The following IRS1 variants were observed in gnomAD, a reference collection of about 807,000 sequenced individuals.
IRS1 encodes the protein insulin receptor substrate 1.
In IRS1, 34 loss-of-function variants were observed where a neutral mutation model predicts 65.6. That is an observed-to-expected ratio of 0.52 (90% confidence interval 0.39 to 0.69). The LOEUF (loss-of-function observed/expected upper bound fraction) is 0.69, where lower values mean the gene tolerates loss of function less well. Ranked by LOEUF, IRS1 falls within the 30% of genes least tolerant of loss-of-function variation. The probability of loss-of-function intolerance (pLI) is 0.00; values close to 1 mark genes in which losing one functional copy is unlikely to be tolerated. For synonymous variants in IRS1, 699 were observed against 683.5 expected (o/e 1.02, Z -0.35); for missense variants, 1,641 against 1,720.2 (o/e 0.95, Z 0.81).
Position 226,797,918 on chromosome 2 carries a change from G to A in IRS1, c.821C>T (p.Ser274Phe). 6.2e-7 allele frequency: 1 copy of A among 1,613,982 alleles called. No homozygotes were observed. The highest frequency in any genetic ancestry group is 1.1e-5 in the South Asian group (1 of 91,086). The change falls in exon 1 of 2, where the codon TCC (serine) becomes TTC (phenylalanine). Residue 274 changes from serine to phenylalanine, a missense_variant. Transcript: ENST00000305123. The surrounding 1 kb of genome is among the most constrained non-coding windows in gnomAD (Gnocchi z 8.1). ...GACGCTGATGGGGTTAGAGCAGTTG[G>A]ACGAGGACTGGCTCTTGCTGCGAGG... ...FRPRSKSQSS[S>F]NCSNPISVPL... is the part of the protein sequence containing the mutation.
At chr2:226,742,826 G>A (rs531253327) in intron 1 of IRS1, among the ~76,000 whole-genome samples, 1 of 152,214 alleles carries the variant, frequency 6.6e-6, no homozygotes, top group African/African-American at 2.4e-5. Context: ...AGCTACCAAA[G>A]GCAGAAGGAG....
In IRS1 at chr2:226,735,471, C is replaced by A. The variant is rs1938307481; in HGVS notation, c.*801G>T. The A allele has an allele frequency of 6.6e-6, 1 of 152,282 alleles. No individual in the cohort carries two copies. The highest frequency in any genetic ancestry group is 1.5e-5 in the Non-Finnish European group (1 of 68,010). The allele number at this position is 152,282 out of a possible 1,614,324, so 9.4% of individuals were successfully genotyped here. On this transcript the variant is annotated 3_prime_UTR_variant, in exon 2 of 2. Transcript: ENST00000305123. ...TCCTTCTTCAGTTTAATTAACATGG[C>A]CTATTGTCTTACAGGAAAAAATACA...
In IRS1 at chr2:226,796,163, G is replaced by A. The variant is rs756434990; in HGVS notation, c.2576C>T (p.Thr859Met). Residue 859 changes from threonine (T) to methionine (M), a missense_variant, in exon 1 of 2, where the codon ACG becomes ATG. Transcript: ENST00000305123. ...AQTNSRLARP[T>M]RLSLGDPKAS... is the part of the protein sequence containing the mutation. ...CTTGGGATCCCCCAGGGACAGCCTCGTGGGCCGGGCCAGGCGGCTATTGGT... is the reference window on the plus strand; with the variant it reads ...CTTGGGATCCCCCAGGGACAGCCTCATGGGCCGGGCCAGGCGGCTATTGGT... The A allele has an allele frequency of 9.3e-6, 15 of 1,613,576 alleles. No homozygotes were observed. In the Middle Eastern group the frequency reaches 4.9e-4, roughly 53 times the overall value.
intron 1 of IRS1, among the ~76,000 whole-genome samples, chr2:226,791,900 A>G (rs1404052034): frequency 6.6e-6 from 1 of 152,072 alleles, no homozygotes; most frequent in Non-Finnish European, 1.5e-5. Context: ...GTCTGGCTGC[A>G]GATTCCCCCA....
At chr2:226,761,666 G>A (rs983754716) in intron 1 of IRS1, among the ~76,000 whole-genome samples, 1 of 152,168 alleles carries the variant, frequency 6.6e-6, no homozygotes, top group African/African-American at 2.4e-5. Context: ...CTAAGTTGTA[G>A]ATGATTCAGA....
intron 1 of IRS1, among the ~76,000 whole-genome samples, chr2:226,741,740 C>A (rs1410137217): frequency 6.7e-6 from 1 of 148,854 alleles, no homozygotes; most frequent in Non-Finnish European, 1.5e-5. Context: ...AAGCACCTTA[C>A]AACACACACA....
chr2:226,741,580 A>G (rs1227002844), intron 1 of IRS1, among the ~76,000 whole-genome samples: 4 of 152,030 alleles, frequency 2.6e-5, no homozygotes, highest in Non-Finnish European at 5.9e-5. Context: ...CTGTCTTCCC[A>G]CGTCTGTTGA....
rs1486646288 is a variant in IRS1, at chr2:226,798,414, C to A, written c.325G>T (p.Ala109Ser). ...GCACGGTTGTGCAGCTGTAGGAGAG[C>A]CTGGTACCAGCTGTCTTGCTCGGCC... ...SEAEQDSWYQ[A>S]LLQLHNRAKG... Residue 109 changes from alanine (A) to serine (S), a missense_variant, in exon 1 of 2, where the codon GCT becomes TCT. Ala to Ser is a moderately conservative substitution (Grantham distance 99). Transcript: ENST00000305123. The surrounding 1 kb of genome is among the most constrained non-coding windows in gnomAD (Gnocchi z 9.4). The A allele has an allele frequency of 6.2e-7, 1 of 1,614,058 alleles. No individual in the cohort carries two copies. Among genetic ancestry groups the A allele is most frequent in the East Asian group, 2.2e-5 (1 of 44,876 alleles).
At chr2:226,788,766 T>A (rs1000827230) in intron 1 of IRS1, among the ~76,000 whole-genome samples, 4 of 152,220 alleles carry the variant, frequency 2.6e-5, no homozygotes, top group Admixed American at 6.5e-5. Flanking sequence ...AATTATTATA[T>A]CATACTAACG....
At chr2:226,787,813 T>C (rs1266313530) in intron 1 of IRS1, among the ~76,000 whole-genome samples, 1 of 152,178 alleles carries the variant, frequency 6.6e-6, no homozygotes, top group Admixed American at 6.6e-5. Context: ...TTTAAGTGAA[T>C]AGGGACATGA....
At chr2:226,793,129 A>G (rs1356328504) in intron 1 of IRS1, among the ~76,000 whole-genome samples, 1 of 152,168 alleles carries the variant, frequency 6.6e-6, no homozygotes, top group Non-Finnish European at 1.5e-5. Context: ...TTTTATTTTA[A>G]AGCCCTTTTT....
chr2:226,783,767 C>T (rs1939433534), intron 1 of IRS1, among the ~76,000 whole-genome samples: 1 of 152,098 alleles, frequency 6.6e-6, no homozygotes. Context: ...AATAGTATCT[C>T]TATTTTATCC....
At chr2:226,765,299 C>G (rs1237856518) in intron 1 of IRS1, among the ~76,000 whole-genome samples, 1 of 152,192 alleles carries the variant, frequency 6.6e-6, no homozygotes, top group African/African-American at 2.4e-5. Flanking sequence ...GGGAAATACA[C>G]AGTTGAGCTG....
chr2:226,752,552 G>C (rs1400876859), intron 1 of IRS1, among the ~76,000 whole-genome samples: 1 of 152,194 alleles, frequency 6.6e-6, no homozygotes, highest in Non-Finnish European at 1.5e-5. Flanking sequence ...TGCAAGCATA[G>C]GCTACTAAAG....
intron 1 of IRS1, among the ~76,000 whole-genome samples, chr2:226,740,367 A>C (rs1429373148): frequency 6.6e-6 from 1 of 152,246 alleles, no homozygotes. Flanking sequence ...ATTATCAAAT[A>C]AGTCAACACT....
Position 226,795,895 on chromosome 2 carries a change from C to T in IRS1, c.2844G>A (p.Pro948=), listed in dbSNP as rs143731262. The part of the protein sequence containing the change: ...TEEYMKMDLG[P]GRRAAWQEST... ...TCTCCTGCCAGGCTGCCCTCCGGCC[C>T]GGCCCCAGGTCCATCTTCATGTACT... is the stretch of plus-strand genomic sequence containing the variant. The change falls in exon 1 of 2, where the codon CCG becomes CCA. Residue 948 remains proline, a synonymous_variant. Transcript: ENST00000305123. The T allele has an allele frequency of 4.7e-5, 76 of 1,613,830 alleles. No individual in the cohort carries two copies. The East Asian group carries it at 1.0e-3, about 22-fold the overall frequency.
At chr2:226,755,192 A>G (rs1266890418) in intron 1 of IRS1, among the ~76,000 whole-genome samples, 1 of 152,246 alleles carries the variant, frequency 6.6e-6, no homozygotes, top group Non-Finnish European at 1.5e-5. Context: ...TAAAGTCATA[A>G]GCCATATGCT....
chr2:226,781,720 A>G (rs2106176892), intron 1 of IRS1, among the ~76,000 whole-genome samples: 1 of 152,274 alleles, frequency 6.6e-6, no homozygotes, highest in African/African-American at 2.4e-5. Flanking sequence ...AAGCCTGTAC[A>G]CTTTCTGAAG....
chr2:226,788,185 T>A (rs1271361035), intron 1 of IRS1, among the ~76,000 whole-genome samples: 1 of 152,146 alleles, frequency 6.6e-6, no homozygotes, highest in Admixed American at 6.5e-5. Flanking sequence ...GATACATATG[T>A]AATATGCAAT....
Sources: gnomAD v4.1 joint callset for allele counts (sites outside exome capture counted in the v4.1 genomes callset) on GRCh38, gnomAD v4.1.1 for gene constraint, Gnocchi (gnomAD v3.1) non-coding constraint, MANE v1.5 for transcripts, NCBI Gene and HGNC (gene_info 2026-07-23, HGNC 2026-07-21) for gene names.